The following STXBP4 variants were observed in gnomAD, a reference collection of about 807,000 sequenced individuals.
The protein encoded by STXBP4 is syntaxin-binding protein 4.
STXBP4 carries 55 observed loss-of-function variants against 76.1 expected under a neutral mutation model. That is an observed-to-expected ratio of 0.72 (90% confidence interval 0.58 to 0.91). STXBP4 has a LOEUF of 0.91. Among genes scored for constraint, STXBP4 ranks in the 40% least tolerant of loss-of-function variants. STXBP4 has a pLI of 0.00. For synonymous variants in STXBP4, 201 were observed against 220.2 expected, an observed-to-expected ratio of 0.91 and a Z score of 0.77; for missense variants, 618 against 636.9, an observed-to-expected ratio of 0.97 and a Z score of 0.32.
chr17:55,003,172 A>G (rs564363090), intron 7 of STXBP4, among the ~76,000 whole-genome samples: 2 of 152,336 alleles, frequency 1.3e-5, no homozygotes, highest in South Asian at 4.1e-4. Flanking sequence ...ATAAAAGCAT[A>G]GAACTAAGGA....
At chr17:55,135,738 A>AT (rs1428396990) in intron 16 of STXBP4, among the ~76,000 whole-genome samples, 2 of 152,154 alleles carry the variant, frequency 1.3e-5, no homozygotes, top group Non-Finnish European at 2.9e-5. Flanking sequence ...AAGCCTAGAA[A>AT]TTATTTCAGT....
At position 55,160,191 on chromosome 17, in the gene STXBP4, T is replaced by C. The variant is rs2080325257; in HGVS notation, c.*280T>C. ...TATAATATATATACTTTTTCATATA[T>C]AATTAGATCTTTCTTTGTAATTTCA... On this transcript the variant is annotated 3_prime_UTR_variant, in exon 18 of 18. Coordinates refer to ENST00000376352, the MANE Select transcript of STXBP4 (RefSeq NM_178509.6). 2 of 189,016 alleles carry C rather than the reference T, an allele frequency of 1.1e-5. No homozygotes were observed. Among genetic ancestry groups the C allele is most frequent in the African/African-American group, 2.3e-5 (1 of 42,906 alleles). 11.7% of individuals were successfully genotyped at this position (189,016 alleles called of 1,614,324 possible). A position where few individuals can be genotyped will look rare whatever the true frequency, so the allele number is the denominator to read the frequency against.
intron 1 of STXBP4, among the ~76,000 whole-genome samples, chr17:54,976,200 G>A (rs527952316): frequency 2.6e-5 from 4 of 152,332 alleles, no homozygotes; most frequent in Non-Finnish European, 5.9e-5. Context: ...TCTGAGAGCA[G>A]TGAGCTGTTG....
chr17:55,054,693 G>A (rs886795439), intron 12 of STXBP4, among the ~76,000 whole-genome samples: 4 of 151,760 alleles, frequency 2.6e-5, no homozygotes, highest in African/African-American at 9.7e-5. Flanking sequence ...TAACATTAGA[G>A]GTATTAAGAT....
chr17:55,101,836 T>C (rs924647077), intron 16 of STXBP4, among the ~76,000 whole-genome samples: 1 of 152,196 alleles, frequency 6.6e-6, no homozygotes, highest in Admixed American at 6.5e-5. Context: ...GAGTTGTATA[T>C]AGTTTTGTTT....
chr17:55,201,250 A>G, the STXBP4 span, among the ~76,000 whole-genome samples: 1 of 152,234 alleles, frequency 6.6e-6, no homozygotes. Flanking sequence ...AAAGTCAGCT[A>G]AGCTTTGGTA....
At chr17:55,054,948 G>T (rs1398182140) in intron 12 of STXBP4, among the ~76,000 whole-genome samples, 1 of 152,024 alleles carries the variant, frequency 6.6e-6, no homozygotes, top group Non-Finnish European at 1.5e-5. Context: ...GGCATAAAAG[G>T]GGAAATTTGC....
chr17:55,123,878 G>A (rs1416941179), intron 16 of STXBP4, among the ~76,000 whole-genome samples: 3 of 150,046 alleles, frequency 2.0e-5, no homozygotes, highest in Admixed American at 1.3e-4. Context: ...CCAACCTGGC[G>A]ACAAAGCAAG....
At chr17:55,037,169 T>A (rs1441782134) in intron 10 of STXBP4, among the ~76,000 whole-genome samples, 1 of 152,168 alleles carries the variant, frequency 6.6e-6, no homozygotes, top group Non-Finnish European at 1.5e-5. Context: ...TAAAGCTGTA[T>A]TCAAGGCGCA....
chr17:55,088,345 G>T (rs928753023), intron 16 of STXBP4, among the ~76,000 whole-genome samples: 1 of 152,130 alleles, frequency 6.6e-6, no homozygotes, highest in Non-Finnish European at 1.5e-5. Flanking sequence ...GTTATACTAT[G>T]GGATTTTCTC....
At chr17:54,991,629 A>G (rs1464660084) in intron 4 of STXBP4, 1 of 151,756 alleles carries the variant, frequency 6.6e-6, no homozygotes, top group Non-Finnish European at 1.5e-5. Flanking sequence ...GTTTTACTAA[A>G]GTGATTATGT....
the STXBP4 span, among the ~76,000 whole-genome samples, chr17:55,179,289 T>C: frequency 6.6e-6 from 1 of 152,184 alleles, no homozygotes; most frequent in East Asian, 1.9e-4. Context: ...AATAAAGGAA[T>C]GTCTCATATT....
the STXBP4 span, among the ~76,000 whole-genome samples, chr17:55,193,467 A>T: frequency 6.6e-6 from 1 of 152,100 alleles, no homozygotes; most frequent in East Asian, 1.9e-4. Flanking sequence ...TTTGGAGAAG[A>T]TCTCACCAGG....
At chr17:55,039,723 AAGG>A (rs2078666431) in intron 10 of STXBP4, among the ~76,000 whole-genome samples, 1 of 149,688 alleles carries the variant, frequency 6.7e-6, no homozygotes, top group Non-Finnish European at 1.5e-5. Context: ...CATGAGAACT[AAGG>A]AAGAAGAATG....
downstream of STXBP4, among the ~76,000 whole-genome samples, chr17:55,176,284 C>T (rs755237053): frequency 2.0e-5 from 3 of 152,028 alleles, no homozygotes; most frequent in Non-Finnish European, 1.5e-5. Context: ...GAGTGGTCTG[C>T]GAGGGCTTTT....
At chr17:54,989,013 T>G (rs1386006886) in intron 3 of STXBP4, among the ~76,000 whole-genome samples, 1 of 152,244 alleles carries the variant, frequency 6.6e-6, no homozygotes, top group Non-Finnish European at 1.5e-5. Context: ...AATTATTTTT[T>G]TGAATGCAAC....
intron 12 of STXBP4, among the ~76,000 whole-genome samples, chr17:55,070,565 A>T (rs910435253): frequency 6.6e-6 from 1 of 152,190 alleles, no homozygotes; most frequent in Non-Finnish European, 1.5e-5. Context: ...ACATCTCTCC[A>T]TCTGGCACCC....
chr17:55,014,521 G>A (rs1035291028), intron 8 of STXBP4, among the ~76,000 whole-genome samples: 12 of 152,136 alleles, frequency 7.9e-5, no homozygotes, highest in Non-Finnish European at 1.5e-4. Context: ...AGTTGTCCGG[G>A]ACAGGAGAGT....
intron 16 of STXBP4, among the ~76,000 whole-genome samples, chr17:55,140,268 A>G (rs1013784107): frequency 7.9e-5 from 12 of 152,290 alleles, no homozygotes; most frequent in Non-Finnish European, 1.6e-4. Flanking sequence ...TAATTGTGCT[A>G]CTGCACTCTT....
Sources: allele counts gnomAD v4.1 joint callset (sites outside exome capture counted in the v4.1 genomes callset), GRCh38; gene constraint gnomAD v4.1.1; transcripts MANE v1.5; gene names NCBI Gene and HGNC (gene_info 2026-07-23, HGNC 2026-07-21).